AGBL4: variants seen among roughly 807,000 people sequenced by gnomAD.
AGBL4 encodes the protein cytosolic carboxypeptidase 6.
In AGBL4, 58 loss-of-function variants were observed where a neutral mutation model predicts 66.4. The observed-to-expected ratio is 0.87, with a 90% CI of 0.71 to 1.09. The LOEUF is 1.09. Ranked by LOEUF, AGBL4 falls within the 50% of genes least tolerant of loss-of-function variation. The pLI is 0.00. For synonymous variants in AGBL4, 234 were observed against 222.9 expected (o/e 1.05, Z -0.44); for missense variants, 579 against 631.0 (o/e 0.92, Z 0.88).
intron 1 of AGBL4, among the ~76,000 whole-genome samples, chr1:49,907,093 C>T (rs1650351565): frequency 1.3e-5 from 2 of 152,066 alleles, no homozygotes; most frequent in Admixed American, 1.3e-4. Context: ...GCAAAACAAT[C>T]ACAAATGATG....
chr1:49,379,841 T>C (rs546936739), intron 3 of AGBL4, among the ~76,000 whole-genome samples: 1,635 of 152,136 alleles, frequency 0.011, 12 homozygotes, highest in South Asian at 0.015. Flanking sequence ...TAAAATTCTC[T>C]TTTTTGGTTG....
intron 3 of AGBL4, among the ~76,000 whole-genome samples, chr1:49,283,599 G>C (rs164824): frequency 6.6e-6 from 1 of 151,996 alleles, no homozygotes; most frequent in Non-Finnish European, 1.5e-5. Flanking sequence ...CAAACCAAAG[G>C]CAAATAAGTT....
intron 5 of AGBL4, among the ~76,000 whole-genome samples, chr1:48,899,068 T>C (rs940158841): frequency 5.3e-5 from 8 of 152,214 alleles, no homozygotes; most frequent in African/African-American, 7.2e-5. Context: ...TCGCTGGGCC[T>C]GAGGCGCTCG....
intron 7 of AGBL4, among the ~76,000 whole-genome samples, chr1:48,660,341 G>A (rs747161737): frequency 3.3e-5 from 5 of 152,228 alleles, no homozygotes; most frequent in South Asian, 2.1e-4. Flanking sequence ...GGGCACAACC[G>A]GCTTCACATG....
Position 49,389,763 on chromosome 1 carries a change from C to T in AGBL4, c.283-143899G>A, listed in dbSNP as rs999579783. Among the ~76,000 whole-genome samples, 4 of 152,086 alleles carry T rather than the reference C, an allele frequency of 2.6e-5. No homozygotes were observed. In the South Asian group the frequency reaches 6.2e-4, roughly 24 times the overall value. On this transcript the variant is annotated intron_variant, in intron 3 of 13. Coordinates refer to ENST00000371839, the MANE Select transcript of AGBL4 (RefSeq NM_032785.4). ...TCTGTGGTCCTGTGCTCTTGGAAGA[C>T]CCTTTTAAGGTTTCATATGACAAGG...
At chr1:49,683,108 G>A (rs1646726632) in intron 3 of AGBL4, among the ~76,000 whole-genome samples, 1 of 152,068 alleles carries the variant, frequency 6.6e-6, no homozygotes, top group Admixed American at 6.6e-5. Flanking sequence ...TAATTTATTA[G>A]TTTCAAGGTC....
At chr1:49,935,235 C>T (rs996955291) in intron 1 of AGBL4, among the ~76,000 whole-genome samples, 1 of 152,222 alleles carries the variant, frequency 6.6e-6, no homozygotes, top group Non-Finnish European at 1.5e-5. Flanking sequence ...TGATTGCTAG[C>T]ACAGCAGTCT....
At chr1:48,847,258 C>T (rs1198675455) in intron 6 of AGBL4, among the ~76,000 whole-genome samples, 1 of 152,196 alleles carries the variant, frequency 6.6e-6, no homozygotes. Flanking sequence ...CGAGTTCACA[C>T]CATTGCACTC....
chr1:49,006,732 C>T (rs1245309669), intron 5 of AGBL4, among the ~76,000 whole-genome samples: 27 of 151,322 alleles, frequency 1.8e-4, no homozygotes, highest in Non-Finnish European at 3.5e-4. Context: ...GACCCCTGAG[C>T]AGCCTAACTG....
At chr1:49,469,206 T>TGCCTATTTTAAGGCA (rs1185669167) in intron 3 of AGBL4, among the ~76,000 whole-genome samples, 1 of 151,924 alleles carries the variant, frequency 6.6e-6, no homozygotes, top group Non-Finnish European at 1.5e-5. Context: ...TTGCCTATTT[T>TGCCTATTTTAAGGCA]ATTGTTAAGA....
At chr1:49,397,774 C>G (rs1303754814) in intron 3 of AGBL4, among the ~76,000 whole-genome samples, 1 of 152,156 alleles carries the variant, frequency 6.6e-6, no homozygotes, top group Admixed American at 6.5e-5. Context: ...AGCACACTAG[C>G]TCTCCCAACT....
chr1:48,791,594 T>C (rs539154392), intron 6 of AGBL4, among the ~76,000 whole-genome samples: 17 of 152,330 alleles, frequency 1.1e-4, no homozygotes, highest in East Asian at 1.9e-4. Context: ...CAGTAGAATG[T>C]AGTGGAGCAA....
intron 6 of AGBL4, among the ~76,000 whole-genome samples, chr1:48,748,698 T>C (rs1308464427): frequency 6.6e-6 from 1 of 152,082 alleles, no homozygotes; most frequent in Non-Finnish European, 1.5e-5. Context: ...TGTGATGATC[T>C]GCATGAATTT....
intron 4 of AGBL4, among the ~76,000 whole-genome samples, chr1:49,228,516 C>T (rs1170437923): frequency 2.0e-5 from 3 of 152,014 alleles, no homozygotes; most frequent in Non-Finnish European, 4.4e-5. Flanking sequence ...GAGGGAATTG[C>T]TATGTGAATA....
intron 2 of AGBL4, among the ~76,000 whole-genome samples, chr1:49,741,573 C>A (rs916139915): frequency 6.6e-6 from 1 of 152,066 alleles, no homozygotes; most frequent in Non-Finnish European, 1.5e-5. Context: ...ATCCTGATAC[C>A]AAAGCCTGGC....
chr1:49,415,236 C>T, intron 3 of AGBL4, among the ~76,000 whole-genome samples: 1 of 152,058 alleles, frequency 6.6e-6, no homozygotes, highest in South Asian at 2.1e-4. Context: ...TTTATATCTC[C>T]TACTACATTT....
At chr1:48,853,000 G>A (rs1012233741) in intron 6 of AGBL4, among the ~76,000 whole-genome samples, 7 of 152,086 alleles carry the variant, frequency 4.6e-5, no homozygotes, top group African/African-American at 1.7e-4. Flanking sequence ...GGTGAATAGG[G>A]CTGACTTACA....
At chr1:49,704,528 C>T (rs1427769468) in intron 2 of AGBL4, among the ~76,000 whole-genome samples, 2 of 151,886 alleles carry the variant, frequency 1.3e-5, no homozygotes, top group African/African-American at 2.4e-5. Context: ...AATGATACTG[C>T]CTAGGTTTTC....
intron 3 of AGBL4, among the ~76,000 whole-genome samples, chr1:49,387,133 C>A (rs1362874883): frequency 6.6e-6 from 1 of 151,802 alleles, no homozygotes; most frequent in Non-Finnish European, 1.5e-5. Context: ...TGACCTTAGG[C>A]AAATAACTTG....
Sources: gnomAD v4.1 joint callset for allele counts (sites outside exome capture counted in the v4.1 genomes callset) on GRCh38, gnomAD v4.1.1 for gene constraint, MANE v1.5 for transcripts, NCBI Gene and HGNC (gene_info 2026-07-23, HGNC 2026-07-21) for gene names.